NBAS: variants seen among roughly 807,000 people sequenced by gnomAD.
The protein encoded by NBAS is NAG/BC035112 fusion.
A neutral mutation model predicts 302.5 loss-of-function variants in NBAS; 219 were observed. The ratio of observed to expected loss-of-function variants is 0.72; its 90% CI spans 0.65 to 0.81. The LOEUF is 0.81. NBAS is among the 30% of genes least tolerant of loss of function. NBAS has a pLI of 0.00. For synonymous variants in NBAS, 1,118 were observed against 1,021.6 expected (o/e 1.09, Z -1.80); for missense variants, 2,932 against 2,841.6 (o/e 1.03, Z -0.72).
intron 9 of NBAS, among the ~76,000 whole-genome samples, chr2:15,515,050 T>G (rs74485299): frequency 6.6e-6 from 1 of 152,158 alleles, no homozygotes; most frequent in Non-Finnish European, 1.5e-5. Flanking sequence ...GCTCTAAGAA[T>G]GCATATGTGT....
At chr2:15,097,921 A>T in the NBAS span, among the ~76,000 whole-genome samples, 3 of 66,574 alleles carry the variant, frequency 4.5e-5, no homozygotes, top group East Asian at 1.2e-3. Context: ...AATATTATAT[A>T]TTATATATAT....
chr2:15,373,678 G>A (rs754182528), intron 31 of NBAS, among the ~76,000 whole-genome samples: 21 of 152,098 alleles, frequency 1.4e-4, no homozygotes, highest in African/African-American at 5.1e-4. Context: ...GTCAAGCCAC[G>A]TTGGAAACCC....
In NBAS at chr2:15,554,136, G is replaced by A; in HGVS notation, c.212C>T (p.Pro71Leu). ...TCCATCAGGGAGCAAAAAAGGTGCC[G>A]GGCTGAAATCACAACACATTAGTTA... ...LFLRQYIWYS[P>L]APFLLPDGLV... Residue 71 changes from proline to leucine, a missense_variant and splice_region_variant, in exon 4 of 52, where the codon CCG (proline) becomes CTG (leucine). By Grantham distance (98) the Pro-to-Leu change is moderately conservative. Coordinates refer to ENST00000281513, the MANE Select transcript of NBAS (RefSeq NM_015909.4). 1.2e-6 allele frequency: 2 copies of A among 1,612,754 alleles called. No homozygotes were observed. The highest frequency in any genetic ancestry group is 1.1e-5 in the South Asian group (1 of 90,880).
chr2:15,186,035 G>A (rs1665059270), intron 50 of NBAS, among the ~76,000 whole-genome samples: 1 of 151,598 alleles, frequency 6.6e-6, no homozygotes, highest in African/African-American at 2.4e-5. Flanking sequence ...ATTAATATGT[G>A]CTTACTTTAG....
chr2:15,034,223 G>A, the NBAS span, among the ~76,000 whole-genome samples: 6 of 20,166 alleles, frequency 3.0e-4, no homozygotes, highest in South Asian at 1.2e-3. Context: ...AGAAAGAGAG[G>A]GAAAGAAAGA....
intron 16 of NBAS, among the ~76,000 whole-genome samples, chr2:15,469,971 G>C (rs1273178902): frequency 6.6e-6 from 1 of 151,280 alleles, no homozygotes; most frequent in South Asian, 2.1e-4. Context: ...ATGTACCCTA[G>C]AACTTAAAGT....
chr2:14,960,814 G>A, the NBAS span, among the ~76,000 whole-genome samples: 1 of 152,164 alleles, frequency 6.6e-6, no homozygotes, highest in African/African-American at 2.4e-5. Context: ...GATCCAAGAT[G>A]AGTCACCATT....
chr2:15,478,479 A>G (rs901140472), intron 12 of NBAS, among the ~76,000 whole-genome samples, 190 bp from the exon 13 acceptor site: 3 of 152,236 alleles, frequency 2.0e-5, no homozygotes, highest in Admixed American at 6.5e-5. Context: ...AAATGTGCAC[A>G]TGTACATATT....
the NBAS span, among the ~76,000 whole-genome samples, chr2:14,962,542 A>T: frequency 6.6e-6 from 1 of 151,852 alleles, no homozygotes; most frequent in African/African-American, 2.4e-5. Context: ...GGAGGGATAG[A>T]TTCTTTTGTT....
chr2:15,424,298 C>G lies in NBAS; in HGVS notation c.2577+17G>C. ...TTCCACTAACATTACTGAGCAGCAG[C>G]TGCCATTTCCCCTCACCTGCCGAGC... On this transcript the variant is annotated intron_variant, in intron 23 of 51. Transcript: ENST00000281513. 6.2e-7 allele frequency: 1 copy of G among 1,613,884 alleles called. No individual in the cohort carries two copies. Among genetic ancestry groups the G allele is most frequent in the South Asian group, 1.1e-5 (1 of 91,074 alleles).
chr2:14,807,462 T>A, the NBAS span, among the ~76,000 whole-genome samples: 5 of 144,208 alleles, frequency 3.5e-5, no homozygotes, highest in African/African-American at 1.1e-4. Flanking sequence ...TGAGTGTGTG[T>A]GTGTGTGTGT....
chr2:15,233,939 T>C (rs1667482974), intron 46 of NBAS, among the ~76,000 whole-genome samples: 1 of 152,322 alleles, frequency 6.6e-6, no homozygotes, highest in African/African-American at 2.4e-5. Context: ...CAGAAAGTCC[T>C]TGATGCCTCA....
the NBAS span, among the ~76,000 whole-genome samples, chr2:14,912,085 A>G: frequency 6.6e-6 from 1 of 152,208 alleles, no homozygotes; most frequent in Non-Finnish European, 1.5e-5. Context: ...GCATGTTACC[A>G]TGCTAATACT....
intron 13 of NBAS, 97 bp downstream of exon 13, chr2:15,478,128 GC>G: frequency 1.1e-6 from 1 of 872,338 alleles, no homozygotes. Flanking sequence ...CCAAAGTGCA[GC>G]AAAAGTATCT....
the NBAS span, among the ~76,000 whole-genome samples, chr2:15,152,293 C>T: frequency 2.0e-5 from 3 of 152,300 alleles, no homozygotes; most frequent in South Asian, 4.1e-4. Flanking sequence ...GGCAGAGTGG[C>T]GTCCGTACCC....
At chr2:15,308,471 C>A in intron 39 of NBAS, 118 bp from the exon 40 acceptor site, 1 of 1,244,644 alleles carries the variant, frequency 8.0e-7, no homozygotes, top group South Asian at 1.3e-5. Flanking sequence ...ATTACATCAA[C>A]TCAAGCTCAA....
intron 21 of NBAS, among the ~76,000 whole-genome samples, chr2:15,459,643 CTAAT>C (rs1410949591): frequency 1.3e-5 from 2 of 152,098 alleles, no homozygotes; most frequent in Non-Finnish European, 2.9e-5. Flanking sequence ...CCACGCCCAG[CTAAT>C]TTTTTATATT....
intron 51 of NBAS, among the ~76,000 whole-genome samples, chr2:15,174,047 G>A (rs959826537): frequency 6.6e-6 from 1 of 152,174 alleles, no homozygotes; most frequent in Non-Finnish European, 1.5e-5. Flanking sequence ...GGAATCCCAG[G>A]CTGACCTGCA....
chr2:14,946,600 T>C, the NBAS span, among the ~76,000 whole-genome samples: 1 of 152,108 alleles, frequency 6.6e-6, no homozygotes, highest in Non-Finnish European at 1.5e-5. Context: ...AGCAAAGGAC[T>C]TCAACACCCC....
Sources: gnomAD v4.1 joint callset for allele counts (sites outside exome capture counted in the v4.1 genomes callset) on GRCh38, gnomAD v4.1.1 for gene constraint, MANE v1.5 for transcripts, NCBI Gene and HGNC (gene_info 2026-07-23, HGNC 2026-07-21) for gene names.